The following MTUS1 variants were observed in gnomAD, a reference collection of about 807,000 sequenced individuals.
MTUS1 encodes the protein microtubule-associated tumor suppressor 1.
In MTUS1, 109 loss-of-function variants were observed where a neutral mutation model predicts 120.8. The observed-to-expected ratio is 0.90, with a 90% CI of 0.77 to 1.06. The LOEUF (loss-of-function observed/expected upper bound fraction) is 1.06, where lower values mean the gene tolerates loss of function less well. MTUS1 is among the 50% of genes least tolerant of loss of function. The pLI, the probability that MTUS1 is intolerant of heterozygous loss-of-function variation, is 0.00. For synonymous variants in MTUS1, 737 were observed against 550.5 expected (o/e 1.34, Z -4.74); for missense variants, 2,210 against 1,486.3 (o/e 1.49, Z -8.01).
rs757576457 is a variant in MTUS1, at chr8:17,715,863, G to C, written c.2488C>G (p.Pro830Ala). 1 of 1,614,038 alleles carries C rather than the reference G, an allele frequency of 6.2e-7. No individual in the cohort carries two copies. The highest frequency in any genetic ancestry group is 2.2e-5 in the East Asian group (1 of 44,864). The change falls in exon 5 of 15, where the codon CCA (proline) becomes GCA (alanine). Residue 830 changes from proline to alanine, a missense_variant. Transcript: ENST00000693296. Reference protein sequence around the residue: ...AAVIKYEEKPPKPAFQNGSSG... With the variant: ...AAVIKYEEKPAKPAFQNGSSG... The stretch of plus-strand genomic sequence containing the variant: ...GAACCATTCTGAAATGCTGGTTTTG[G>C]AGGTTTCTCCTCATATTTGATGACA...
intron 3 of MTUS1, among the ~76,000 whole-genome samples, chr8:17,741,050 T>C (rs1385540279): frequency 6.6e-6 from 1 of 152,102 alleles, no homozygotes; most frequent in Non-Finnish European, 1.5e-5. Context: ...TTTGTATTTT[T>C]AGTAGAGAAG....
intron 7 of MTUS1, among the ~76,000 whole-genome samples, chr8:17,682,389 G>A (rs1386543380): frequency 4.6e-5 from 7 of 152,098 alleles, no homozygotes; most frequent in East Asian, 1.9e-4. Context: ...ATGGTGGCGG[G>A]TGCCTGTAAT....
chr8:17,779,940 T>C (rs1051466756), intron 1 of MTUS1, among the ~76,000 whole-genome samples: 2 of 152,208 alleles, frequency 1.3e-5, no homozygotes, highest in Admixed American at 1.3e-4. Flanking sequence ...ACATCTCCAC[T>C]TACATGTTTA....
chr8:17,775,107 G>A (rs1205805849), intron 1 of MTUS1, among the ~76,000 whole-genome samples: 1 of 152,064 alleles, frequency 6.6e-6, no homozygotes, highest in Non-Finnish European at 1.5e-5. Context: ...AGGGGAACAT[G>A]GGGAGCTATT....
intron 2 of MTUS1, chr8:17,747,980 C>G (rs2047898104): frequency 6.6e-6 from 1 of 152,182 alleles, no homozygotes; most frequent in Non-Finnish European, 1.5e-5. Context: ...ATTATGAGAA[C>G]AGCATGGCAA....
At chr8:17,672,765 G>A (rs3739412) in intron 8 of MTUS1, among the ~76,000 whole-genome samples, 20,449 of 152,178 alleles carry the variant, frequency 0.13, 1,421 homozygotes, top group South Asian at 0.19. Context: ...ACCAACACTC[G>A]GGAGGCAGGA....
In MTUS1 at chr8:17,653,439, G is replaced by C; in HGVS notation, c.3274C>G (p.Gln1092Glu). 6.2e-7 allele frequency: 1 copy of C among 1,610,604 alleles called. No individual in the cohort carries two copies. The highest frequency in any genetic ancestry group is 8.5e-7 in the Non-Finnish European group (1 of 1,178,390). Residue 1092 changes from glutamine to glutamate, a missense_variant, in exon 11 of 15, where the codon CAG becomes GAG. Gln to Glu is a conservative substitution (Grantham distance 29, BLOSUM62 2). Coordinates refer to ENST00000693296, the MANE Select transcript of MTUS1 (RefSeq NM_001363059.2). ...KSLEDLLSEK[Q>E]ESLEKQINDL... is the part of the protein sequence containing the mutation. ...CATTCACCCACCTCTAGCGATTCCT[G>C]CTTCTCAGAAAGTAAATCTTCAAGC... is the stretch of plus-strand genomic sequence containing the variant.
rs745677875 is a variant in MTUS1, at chr8:17,647,261, G to A, written c.3502-182C>T. 37 of 536,776 alleles carry A rather than the reference G, an allele frequency of 6.9e-5. 1 individual carries two copies. Among genetic ancestry groups the A allele is most frequent in the East Asian group, 2.2e-4 (7 of 31,860 alleles). 33.3% of individuals were successfully genotyped at this position (536,776 alleles called of 1,614,324 possible). A position where few individuals can be genotyped will look rare whatever the true frequency, so the allele number is the denominator to read the frequency against. On this transcript the variant is annotated intron_variant, in intron 13 of 14. Transcript: ENST00000693296. Reference sequence around the variant, plus strand: ...AGATTTTAAAACAGCAAAACAGAGCGGCTGGGTATTTTTAAAACATGTATG... The same window carrying A: ...AGATTTTAAAACAGCAAAACAGAGCAGCTGGGTATTTTTAAAACATGTATG...
At chr8:17,784,703 G>A (rs2051154749) in intron 1 of MTUS1, among the ~76,000 whole-genome samples, 1 of 152,056 alleles carries the variant, frequency 6.6e-6, no homozygotes, top group South Asian at 2.1e-4. Context: ...GAGAAGTTCC[G>A]TGGCTACAGA....
Position 17,755,878 on chromosome 8 carries a change from A to T in MTUS1, c.-71T>A. ...TTCCTTTTAAATGAGAGGGTGGGCA[A>T]AATGGTCTGTCTTCTAGGTTTTTCA... On this transcript the variant is annotated 5_prime_UTR_variant, in exon 2 of 15. In the 5' UTR this introduces an upstream ATG that the reference lacks. Coordinates refer to ENST00000693296, the MANE Select transcript of MTUS1 (RefSeq NM_001363059.2). 6.5e-7 allele frequency: 1 copy of T among 1,532,982 alleles called. No individual in the cohort carries two copies. Among genetic ancestry groups the T allele is most frequent in the Non-Finnish European group, 8.7e-7 (1 of 1,146,590 alleles). 95.0% of individuals were successfully genotyped at this position (1,532,982 alleles called of 1,614,324 possible).
intron 6 of MTUS1, among the ~76,000 whole-genome samples, chr8:17,699,472 C>T (rs181670082): frequency 5.3e-5 from 8 of 152,312 alleles, no homozygotes; most frequent in African/African-American, 1.9e-4. Context: ...ACCTCGGCCT[C>T]CCAAGTGCTG....
At chr8:17,746,588 G>C (rs915746581) in intron 2 of MTUS1, among the ~76,000 whole-genome samples, 1 of 152,078 alleles carries the variant, frequency 6.6e-6, no homozygotes, top group African/African-American at 2.4e-5. Flanking sequence ...ACTACCACAA[G>C]AACAGTATGG....
intron 13 of MTUS1, among the ~76,000 whole-genome samples, chr8:17,649,050 G>T (rs1440036902): frequency 6.6e-6 from 1 of 152,102 alleles, no homozygotes; most frequent in African/African-American, 2.4e-5. Context: ...CATATTTTTG[G>T]TAACACCTGC....
chr8:17,779,079 C>A (rs1396461237), intron 1 of MTUS1, among the ~76,000 whole-genome samples: 1 of 152,198 alleles, frequency 6.6e-6, no homozygotes, highest in Non-Finnish European at 1.5e-5. Flanking sequence ...GATTAGGGGT[C>A]AAGGAAGGCC....
chr8:17,714,714 A>C (rs1376053249), intron 5 of MTUS1, among the ~76,000 whole-genome samples: 1 of 152,144 alleles, frequency 6.6e-6, no homozygotes. Flanking sequence ...TACAGAGGAA[A>C]AAAGTCACAA....
intron 6 of MTUS1, among the ~76,000 whole-genome samples, chr8:17,698,892 G>C (rs1008813510): frequency 1.3e-5 from 2 of 152,024 alleles, no homozygotes; most frequent in Non-Finnish European, 2.9e-5. Flanking sequence ...GAAGCTAAAT[G>C]ATCAAGGAAT....
chr8:17,666,941 G>C (rs1307908793), intron 8 of MTUS1, among the ~76,000 whole-genome samples: 1 of 152,198 alleles, frequency 6.6e-6, no homozygotes, highest in Admixed American at 6.5e-5. Flanking sequence ...ATGGGCATGA[G>C]AACTGAGGAT....
chr8:17,727,052 A>G (rs1470153507), intron 3 of MTUS1, among the ~76,000 whole-genome samples: 1 of 152,132 alleles, frequency 6.6e-6, no homozygotes, highest in African/African-American at 2.4e-5. Flanking sequence ...CCCGGCAACC[A>G]AATATCATTT....
intron 3 of MTUS1, among the ~76,000 whole-genome samples, chr8:17,738,884 A>C (rs1280722579): frequency 6.6e-6 from 1 of 152,210 alleles, no homozygotes; most frequent in South Asian, 2.1e-4. Context: ...CATGCCTGTC[A>C]TCTCGGTACT....
Sources: gnomAD v4.1 joint callset for allele counts (sites outside exome capture counted in the v4.1 genomes callset) on GRCh38, gnomAD v4.1.1 for gene constraint, MANE v1.5 for transcripts, NCBI Gene and HGNC (gene_info 2026-07-23, HGNC 2026-07-21) for gene names.